CFAP61: variants seen among roughly 807,000 people sequenced by gnomAD.
The protein encoded by CFAP61 is cilia and flagella associated protein 61, also known as cilia- and flagella-associated protein 61.
CFAP61 carries 107 observed loss-of-function variants against 135.6 expected under a neutral mutation model. That is an observed-to-expected ratio of 0.79 (90% CI 0.67 to 0.93). The LOEUF (loss-of-function observed/expected upper bound fraction) is 0.93, where lower values mean the gene tolerates loss of function less well. CFAP61 is among the 40% of genes least tolerant of loss of function. The probability of loss-of-function intolerance (pLI) is 0.00; values close to 1 mark genes in which losing one functional copy is unlikely to be tolerated. For missense variants in CFAP61, 1,507 were observed against 1,556.2 expected (o/e 0.97, Z 0.53); for synonymous variants, 575 against 578.5 (o/e 0.99, Z 0.09).
chr20:20,208,237 A>G (rs1206913862), intron 17 of CFAP61, among the ~76,000 whole-genome samples: 1 of 152,178 alleles, frequency 6.6e-6, no homozygotes, highest in Non-Finnish European at 1.5e-5. Flanking sequence ...TCCTGTAAAT[A>G]TGTTCTATGT....
intron 11 of CFAP61, 144 bp downstream of exon 11, chr20:20,164,372 C>A (rs1335789090): frequency 2.5e-6 from 2 of 787,640 alleles, no homozygotes; most frequent in Non-Finnish European, 3.9e-6. Flanking sequence ...ACACAAATTC[C>A]TAAGCCCCAT....
chr20:20,167,925 G>T (rs560775736), intron 12 of CFAP61, among the ~76,000 whole-genome samples: 27 of 152,202 alleles, frequency 1.8e-4, no homozygotes, highest in Non-Finnish European at 3.2e-4. Context: ...AGAGGATCAG[G>T]CAGCTGCGTG....
intron 17 of CFAP61, among the ~76,000 whole-genome samples, chr20:20,204,606 G>T (rs1473452519): frequency 1.3e-5 from 2 of 152,248 alleles, no homozygotes; most frequent in South Asian, 2.1e-4. Context: ...ATTTTCCCCA[G>T]CTTTATTGTT....
intron 17 of CFAP61, among the ~76,000 whole-genome samples, chr20:20,219,687 A>G (rs569280876): frequency 1.3e-5 from 2 of 152,366 alleles, no homozygotes; most frequent in South Asian, 4.1e-4. Context: ...TCATTTCACA[A>G]AAATCTGAGA....
intron 8 of CFAP61, among the ~76,000 whole-genome samples, chr20:20,141,266 A>G (rs1372682730): frequency 1.3e-5 from 2 of 152,146 alleles, no homozygotes; most frequent in Non-Finnish European, 2.9e-5. Context: ...GAACAGACAT[A>G]TGTAGAAATT....
At chr20:20,089,406 T>G (rs2047022565) in intron 6 of CFAP61, among the ~76,000 whole-genome samples, 1 of 150,064 alleles carries the variant, frequency 6.7e-6, no homozygotes, top group Non-Finnish European at 1.5e-5. Context: ...ATATATATAC[T>G]GATCACTCAG....
chr20:20,300,498 A>G (rs141535813), intron 25 of CFAP61, among the ~76,000 whole-genome samples: 1,781 of 152,314 alleles, frequency 0.012, 21 homozygotes, highest in Non-Finnish European at 0.016. Context: ...GGTTTGTAAC[A>G]GAAAGTTTAA....
At chr20:20,110,105 A>G (rs2048699425) in intron 8 of CFAP61, among the ~76,000 whole-genome samples, 1 of 151,726 alleles carries the variant, frequency 6.6e-6, no homozygotes, top group South Asian at 2.1e-4. Context: ...ACGGGGTTTC[A>G]CCGTGTTGGC....
chr20:20,261,444 A>T (rs1485722049), intron 20 of CFAP61, among the ~76,000 whole-genome samples: 1 of 152,154 alleles, frequency 6.6e-6, no homozygotes, highest in Non-Finnish European at 1.5e-5. Context: ...CTGAGGTCTT[A>T]GACCCTGAGT....
intron 21 of CFAP61, among the ~76,000 whole-genome samples, chr20:20,274,035 G>C (rs972482015): frequency 6.6e-6 from 1 of 152,110 alleles, no homozygotes; most frequent in Non-Finnish European, 1.5e-5. Flanking sequence ...CTTTTTTCTG[G>C]AGGGGGCCCC....
chr20:20,056,586 A>G, intron 1 of CFAP61, 32 bp from the exon 2 acceptor site: 10 of 1,494,972 alleles, frequency 6.7e-6, no homozygotes, highest in Non-Finnish European at 8.3e-6. Context: ...TGTGTATTAT[A>G]ACCAAACTGG....
rs548755918 is a variant in CFAP61, at chr20:20,288,352, A to G, written c.2797-257A>G. Among the ~76,000 whole-genome samples, 4 of 152,298 alleles carry G rather than the reference A, an allele frequency of 2.6e-5. No individual in the cohort carries two copies. In the South Asian group the frequency reaches 8.3e-4, roughly 32 times the overall value. On this transcript the variant is annotated intron_variant, in intron 22 of 26. Coordinates refer to ENST00000245957, the MANE Select transcript of CFAP61 (RefSeq NM_015585.4). Reference sequence around the variant, plus strand: ...AAAACCACTCACACTTTTGTGGGAGATATTTCATCACCTGGCATCCTTCTC... The same window carrying G: ...AAAACCACTCACACTTTTGTGGGAGGTATTTCATCACCTGGCATCCTTCTC...
intron 21 of CFAP61, 27 bp from the exon 22 acceptor site, chr20:20,277,139 A>G: frequency 6.4e-7 from 1 of 1,567,814 alleles, no homozygotes; most frequent in Non-Finnish European, 8.7e-7. Context: ...TGAACTGTAT[A>G]TCTTAGCGTT....
intron 3 of CFAP61, among the ~76,000 whole-genome samples, chr20:20,072,151 G>A (rs1423165347): frequency 2.7e-5 from 3 of 113,000 alleles, no homozygotes; most frequent in African/African-American, 1.0e-4. Flanking sequence ...GTCTCACTCT[G>A]TCGTCCAGGC....
At chr20:20,226,306 A>C (rs1314812583) in intron 17 of CFAP61, 2 of 152,220 alleles carry the variant, frequency 1.3e-5, no homozygotes, top group Admixed American at 6.5e-5. Flanking sequence ...CATTGCCGTG[A>C]GAAGAACATG....
Position 20,074,256 on chromosome 20 carries a change from C to T in CFAP61, c.295-46C>T, listed in dbSNP as rs143520119. 1.8e-4 allele frequency: 282 copies of T among 1,542,532 alleles called. 5 individuals are homozygous for T. The highest frequency in any genetic ancestry group is 1.7e-3 in the South Asian group (148 of 89,666). On this transcript the variant is annotated intron_variant, in intron 3 of 26. Transcript: ENST00000245957. ...CTTTCCACCCTGTGCTGACCTAGCC[C>T]GAATACTGACTCAGCCTTTAATCCG...
At chr20:20,284,156 T>A (rs1042139817) in intron 22 of CFAP61, among the ~76,000 whole-genome samples, 1 of 152,244 alleles carries the variant, frequency 6.6e-6, no homozygotes, top group Non-Finnish European at 1.5e-5. Flanking sequence ...ATTATTTGTT[T>A]ACTGTTTGTT....
At chr20:20,140,920 CTTTT>C (rs66785203) in intron 8 of CFAP61, among the ~76,000 whole-genome samples, 1 of 143,228 alleles carries the variant, frequency 7.0e-6, no homozygotes, top group Non-Finnish European at 1.5e-5. Flanking sequence ...TTTTTTTTTC[CTTTT>C]TTTTTTTTTG....
chr20:20,359,759 G>A lies in CFAP61; in HGVS notation c.3514-451G>A, dbSNP rs913496674. 6.6e-6 allele frequency among the ~76,000 whole-genome samples: 1 copy of A among 152,152 alleles called. No homozygotes were observed. Among genetic ancestry groups the A allele is most frequent in the Non-Finnish European group, 1.5e-5 (1 of 68,040 alleles). Reference sequence around the variant, plus strand: ...TGAAGGGCTTGAAATGACTAACCTGGATGACTCTTGAGGACATTATGCTAA... The same window carrying A: ...TGAAGGGCTTGAAATGACTAACCTGAATGACTCTTGAGGACATTATGCTAA... On this transcript the variant is annotated intron_variant, in intron 26 of 26. Transcript: ENST00000245957. This position sits in a 1 kb window ranked among gnomAD's most constrained non-coding sequence, Gnocchi z 4.0.
Sources: allele counts gnomAD v4.1 joint callset (sites outside exome capture counted in the v4.1 genomes callset), GRCh38; gene constraint gnomAD v4.1.1; non-coding constraint Gnocchi (gnomAD v3.1); transcripts MANE v1.5; gene names NCBI Gene and HGNC (gene_info 2026-07-23, HGNC 2026-07-21).